Variants in UBR4 observed in about 807,000 individuals in gnomAD.
UBR4 encodes the protein ubiquitin protein ligase E3 component n-recognin 4, also known as E3 ubiquitin-protein ligase UBR4.
Under a neutral mutation model 575.6 loss-of-function variants are expected in UBR4, and 124 were observed. That is an observed-to-expected ratio of 0.22 (90% CI 0.19 to 0.25). UBR4 has a LOEUF of 0.25. UBR4 is among the 10% of genes least tolerant of loss of function. The pLI is 1.00. For missense variants in UBR4, 4,818 were observed against 6,478.8 expected, an observed-to-expected ratio of 0.74 and a Z score of 8.80; for synonymous variants, 2,455 against 2,473.7, an observed-to-expected ratio of 0.99 and a Z score of 0.22.
rs1028244607 is a variant in UBR4 at position 19,174,311 on chromosome 1, G to A, written c.2982+8C>T. ...ACCCAAAGACTTCTCAGGGTTCCAT[G>A]GTCTTACCAAGGCTGTTACATTCTT... On this transcript the variant is annotated splice_region_variant and intron_variant, in intron 22 of 105. Coordinates refer to ENST00000375254, the MANE Select transcript of UBR4 (RefSeq NM_020765.3). The A allele has an allele frequency of 1.9e-6, 3 of 1,606,238 alleles. No individual in the cohort carries two copies. Among genetic ancestry groups the A allele is most frequent in the Non-Finnish European group, 2.5e-6 (3 of 1,178,010 alleles).
Position 19,157,044 on chromosome 1 carries a change from A to C in UBR4, c.5761-119T>G. 2 of 1,172,016 alleles carry C rather than the reference A, an allele frequency of 1.7e-6. No individual in the cohort carries two copies. Among genetic ancestry groups the C allele is most frequent in the Non-Finnish European group, 2.3e-6 (2 of 851,558 alleles). 72.6% of individuals were successfully genotyped at this position (1,172,016 alleles called of 1,614,324 possible). A position where few individuals can be genotyped will look rare whatever the true frequency, so the allele number is the denominator to read the frequency against. On this transcript the variant is annotated intron_variant, in intron 40 of 105. Coordinates refer to ENST00000375254, the MANE Select transcript of UBR4 (RefSeq NM_020765.3). The surrounding 1 kb of genome is among the most constrained non-coding windows in gnomAD (Gnocchi z 4.4). ...TTGCACACTTTTTTCTTTACAGATAAGTCTAGTAGAAAATCCTAGATCAGT... is the reference window on the plus strand; with the variant it reads ...TTGCACACTTTTTTCTTTACAGATACGTCTAGTAGAAAATCCTAGATCAGT...
At position 19,163,658 on chromosome 1, in the gene UBR4, G is replaced by A. The variant is rs1571312449; in HGVS notation, c.4764+106C>T. On this transcript the variant is annotated intron_variant, in intron 34 of 105. Transcript: ENST00000375254. ...AGATTATCAGCCTTATCCTTGGTAG[G>A]CTAGCCAGGCACAGAACTCAATAGG... 4.1e-6 allele frequency: 5 copies of A among 1,209,562 alleles called. No individual in the cohort carries two copies. In the East Asian group the frequency reaches 7.0e-5, roughly 17 times the overall value. The allele number at this position is 1,209,562 out of a possible 1,614,324, so 74.9% of individuals were successfully genotyped here. A position where few individuals can be genotyped will look rare whatever the true frequency, so the allele number is the denominator to read the frequency against.
chr1:19,131,258 A>T lies in UBR4; in HGVS notation c.8907-2184T>A, dbSNP rs550556466. ...TCTTGAAACTTAAAAAAAAAAAAAA[A>T]AAAAAAAAAAATAAACACAGCACCA... is the stretch of plus-strand genomic sequence containing the variant. On this transcript the variant is annotated intron_variant, in intron 60 of 105. Coordinates refer to ENST00000375254, the MANE Select transcript of UBR4 (RefSeq NM_020765.3). Among the ~76,000 whole-genome samples the T allele has an allele frequency of 5.6e-3, 840 of 150,560 alleles. 11 individuals carry two copies. The highest frequency in any genetic ancestry group is 9.3e-3 in the Admixed American group (141 of 15,146).
intron 78 of UBR4, among the ~76,000 whole-genome samples, chr1:19,111,450 C>G (rs2079863111): frequency 6.6e-6 from 1 of 152,154 alleles, no homozygotes; most frequent in Non-Finnish European, 1.5e-5. Context: ...GATGCCCTAG[C>G]ATTCCTGGCA....
chr1:19,184,047 G>A lies in UBR4; in HGVS notation c.2067C>T (p.Ile689=). ...SEHHMATLAS[I]IKEVDKDGLK... ...GTCCATCTTTGTCCACCTCCTTGAT[G>A]ATACTGGCTAGGGTGGCCATATGGT... Residue 689 remains isoleucine, a synonymous_variant, in exon 16 of 106, where the codon ATC becomes ATT. Coordinates refer to ENST00000375254, the MANE Select transcript of UBR4 (RefSeq NM_020765.3). 3.1e-6 allele frequency: 5 copies of A among 1,614,154 alleles called. No homozygotes were observed. In the South Asian group the frequency reaches 5.5e-5, roughly 18 times the overall value.
intron 37 of UBR4, 83 bp from the exon 38 acceptor site, chr1:19,161,230 G>A (rs944475720): frequency 2.2e-6 from 3 of 1,351,168 alleles, no homozygotes; most frequent in Non-Finnish European, 3.1e-6. Flanking sequence ...AGGAAAATTT[G>A]ACCCAAAGAA....
In UBR4 at chr1:19,110,461, T is replaced by C. The variant is rs756857188; in HGVS notation, c.11896A>G (p.Ser3966Gly). 6.4e-5 allele frequency: 104 copies of C among 1,613,958 alleles called. No homozygotes were observed. The highest frequency in any genetic ancestry group is 8.8e-5 in the Non-Finnish European group (104 of 1,180,012). ...KGHWANPDLA[S>G]SLQYEMLLLT... The stretch of plus-strand genomic sequence containing the variant: ...AGCAGCATTTCATACTGCAGGCTAC[T>C]TGCCTAGAAGGCAATGGGAAGAGAC... The change falls in exon 80 of 106, where the codon AGT becomes GGT. Residue 3966 changes from serine to glycine, a missense_variant. Ser to Gly is a moderately conservative substitution (Grantham distance 56, BLOSUM62 0). Transcript: ENST00000375254. This position sits in a 1 kb window ranked among gnomAD's most constrained non-coding sequence, Gnocchi z 4.5.
chr1:19,196,847 T>G (rs1487273945), intron 8 of UBR4, among the ~76,000 whole-genome samples: 1 of 152,228 alleles, frequency 6.6e-6, no homozygotes, highest in Non-Finnish European at 1.5e-5. Context: ...CTACATGTAG[T>G]TCATCTCAAT....
intron 102 of UBR4, among the ~76,000 whole-genome samples, chr1:19,084,104 A>C (rs1048818521): frequency 2.0e-5 from 3 of 152,214 alleles, no homozygotes; most frequent in Non-Finnish European, 4.4e-5. Flanking sequence ...TATGCCCTTG[A>C]CTAATGATGT....
Position 19,188,963 on chromosome 1 carries a change from C to T in UBR4, c.1395-1423G>A, listed in dbSNP as rs1393578419. Among the ~76,000 whole-genome samples the T allele has an allele frequency of 2.6e-5, 4 of 151,964 alleles. No homozygotes were observed. In the South Asian group the frequency reaches 6.2e-4, roughly 24 times the overall value. ...TAGCCTAGGAGACAAAGTGACTCTA[C>T]CTCTGTAAAAATAATAATAAAAAAA... is the stretch of plus-strand genomic sequence containing the variant. On this transcript the variant is annotated intron_variant, in intron 11 of 105. Transcript: ENST00000375254.
In UBR4 at chr1:19,112,865, T is replaced by C. The variant is rs763687107; in HGVS notation, c.11460A>G (p.Lys3820=). ...ACAACTCTTTGCGCGAAGCAAAGAC[T>C]TTCTAAGAACAAAAAGGCAACAATA... is the stretch of plus-strand genomic sequence containing the variant. The part of the protein sequence containing the change: ...SFDELSKIIQ[K]VFASRKELLE... The change falls in exon 78 of 106, where the codon AAA becomes AAG. Residue 3820 remains lysine, a splice_region_variant and synonymous_variant. Transcript: ENST00000375254. 2 of 1,562,176 alleles carry C rather than the reference T, an allele frequency of 1.3e-6. No individual in the cohort carries two copies. The highest frequency in any genetic ancestry group is 1.9e-5 in the Admixed American group (1 of 52,726).
At chr1:19,131,703 A>AT (rs1231853356) in intron 60 of UBR4, among the ~76,000 whole-genome samples, 1 of 152,178 alleles carries the variant, frequency 6.6e-6, no homozygotes, top group Non-Finnish European at 1.5e-5. Flanking sequence ...GAGAAACCCC[A>AT]TCTCTACTAA....
intron 15 of UBR4, among the ~76,000 whole-genome samples, 172 bp downstream of exon 15, chr1:19,184,927 A>G (rs1287487541): frequency 6.6e-6 from 1 of 152,250 alleles, no homozygotes; most frequent in Non-Finnish European, 1.5e-5. Flanking sequence ...AAACAGTAAC[A>G]GTCACGTAAG....
At position 19,153,325 on chromosome 1, in the gene UBR4, G is replaced by A; in HGVS notation, c.6808C>T (p.Arg2270Ter). 6.2e-7 allele frequency: 1 copy of A among 1,614,116 alleles called. No homozygotes were observed. The highest frequency in any genetic ancestry group is 8.5e-7 in the Non-Finnish European group (1 of 1,180,016). The change falls in exon 46 of 106, where the codon CGA (arginine) becomes TGA (stop). Residue 2270 changes from arginine (R) to a stop codon, truncating the protein, a stop_gained. Transcript: ENST00000375254. LOFTEE classifies it high-confidence loss of function. This position sits in a 1 kb window ranked among gnomAD's most constrained non-coding sequence, Gnocchi z 4.1. ...SSVISIMKPV[R>*]KRKTATITTR... The stretch of plus-strand genomic sequence containing the variant: ...CTGATTGTAGCTGTTTTGCGCTTTC[G>A]AACAGGCTTCATGATGCTGATGACA...
Position 19,177,653 on chromosome 1 carries a change from G to A in UBR4, c.2445C>T (p.Leu815=), listed in dbSNP as rs750659897. Residue 815 remains leucine, a synonymous_variant, in exon 19 of 106, where the codon CTC becomes CTT. Transcript: ENST00000375254. Reference sequence around the variant, plus strand: ...TCTCGGTGAAATTGTGGAAAATGAGGAGGAGCATCTGCAGGTGTTCTACAT... The same window carrying A: ...TCTCGGTGAAATTGTGGAAAATGAGAAGGAGCATCTGCAGGTGTTCTACAT... The part of the protein sequence containing the change: ...DLNVEHLQML[L]LIFHNFTETG... The A allele has an allele frequency of 6.2e-7, 1 of 1,614,064 alleles. No individual in the cohort carries two copies. The highest frequency in any genetic ancestry group is 1.7e-5 in the Admixed American group (1 of 59,994).
chr1:19,125,900 C>T (rs182533299), intron 64 of UBR4, among the ~76,000 whole-genome samples: 1 of 152,286 alleles, frequency 6.6e-6, no homozygotes, highest in Non-Finnish European at 1.5e-5. Flanking sequence ...CAAAGGGCAC[C>T]TCATTCAATG....
At chr1:19,086,025 C>T (rs961738670) in intron 101 of UBR4, 120 bp downstream of exon 101, 4 of 1,425,006 alleles carry the variant, frequency 2.8e-6, no homozygotes, top group African/African-American at 2.8e-5. Context: ...AGCAGACAGA[C>T]ATGGATTCCC....
chr1:19,210,136 G>A lies in UBR4; in HGVS notation c.113C>T (p.Ser38Phe). 1 of 1,585,266 alleles carries A rather than the reference G, an allele frequency of 6.3e-7. No homozygotes were observed. The highest frequency in any genetic ancestry group is 8.6e-7 in the Non-Finnish European group (1 of 1,168,730). ...GWEVAVRPLL[S>F]ASYSAFEMKE... ...CATCTCGAAGGCGGAGTAGGACGCG[G>A]ACAGCAGGGGCCGCACAGCCACCTC... is the stretch of plus-strand genomic sequence containing the variant. The change falls in exon 1 of 106, where the codon TCC becomes TTC. Residue 38 changes from serine to phenylalanine, a missense_variant. This residue lies in a region of UBR4 where 95 missense variants were observed against 87.7 expected (regional missense o/e 1.08). Transcript: ENST00000375254.
chr1:19,162,639 A>G (rs764036949), intron 34 of UBR4, 28 bp from the exon 35 acceptor site: 1 of 1,589,522 alleles, frequency 6.3e-7, no homozygotes, highest in Non-Finnish European at 8.6e-7. Context: ...CAGCAACTTC[A>G]GATTCTCCAT....
Sources: gnomAD v4.1 joint callset for allele counts (sites outside exome capture counted in the v4.1 genomes callset) on GRCh38, gnomAD v4.1.1 for gene constraint, gnomAD v4.1.1 regional missense constraint, Gnocchi (gnomAD v3.1) non-coding constraint, MANE v1.5 for transcripts, NCBI Gene and HGNC (gene_info 2026-07-23, HGNC 2026-07-21) for gene names.